Variants in EPHB1 observed in about 807,000 individuals in gnomAD.
EPHB1 encodes EPH receptor B1.
EPHB1 carries 30 observed loss-of-function variants against 94.4 expected under a neutral mutation model. The observed-to-expected ratio is 0.32, with a 90% CI of 0.24 to 0.43. The LOEUF (loss-of-function observed/expected upper bound fraction) is 0.43. Ranked by LOEUF, EPHB1 falls within the 20% of genes least tolerant of loss-of-function variation. The probability of loss-of-function intolerance (pLI) is 1.00; values close to 1 mark genes in which losing one functional copy is unlikely to be tolerated. For synonymous variants in EPHB1, 522 were observed against 489.1 expected (o/e 1.07, Z -0.89); for missense variants, 1,055 against 1,308.3 (o/e 0.81, Z 2.99).
intron 2 of EPHB1, among the ~76,000 whole-genome samples, chr3:134,935,785 A>G (rs996730871): frequency 6.6e-6 from 1 of 152,012 alleles, no homozygotes; most frequent in Non-Finnish European, 1.5e-5. Context: ...TACATGAACA[A>G]TGTCAGAGAG....
At chr3:134,872,335 G>A (rs138755398) in intron 1 of EPHB1, among the ~76,000 whole-genome samples, 1 of 152,212 alleles carries the variant, frequency 6.6e-6, no homozygotes. Flanking sequence ...ATTCCCATTC[G>A]AGGGAGAGGC....
rs56772514 is a variant in EPHB1 at position 134,890,090 on chromosome 3, C to T, written c.59-35726C>T. On this transcript the variant is annotated intron_variant, in intron 1 of 15. Transcript: ENST00000398015. ...AAATATCCCCAATATACTCTACAAA[C>T]GCAGAGGAAGCCCCCATCCACCTCT... Among the ~76,000 whole-genome samples the T allele has an allele frequency of 4.0e-3, 606 of 152,250 alleles. 6 individuals carry two copies. The highest frequency in any genetic ancestry group is 0.013 in the African/African-American group (528 of 41,542).
intron 12 of EPHB1, among the ~76,000 whole-genome samples, chr3:135,226,352 C>T (rs1943401441): frequency 6.6e-6 from 1 of 152,250 alleles, no homozygotes; most frequent in African/African-American, 2.4e-5. Context: ...ATCACAGTAC[C>T]TCTGAGCTTT....
chr3:134,799,568 G>A (rs1227592603), intron 1 of EPHB1, among the ~76,000 whole-genome samples: 1 of 152,210 alleles, frequency 6.6e-6, no homozygotes, highest in African/African-American at 2.4e-5. Context: ...TCTTGGCAAT[G>A]TAAACAACTG....
chr3:134,965,185 T>C (rs1933684659), intron 3 of EPHB1, among the ~76,000 whole-genome samples: 1 of 152,254 alleles, frequency 6.6e-6, no homozygotes, highest in Admixed American at 6.5e-5. Flanking sequence ...TCTTGATTAC[T>C]CTTGGCTTAT....
At chr3:134,921,645 A>T (rs1192318604) in intron 1 of EPHB1, among the ~76,000 whole-genome samples, 2 of 152,240 alleles carry the variant, frequency 1.3e-5, no homozygotes, top group Non-Finnish European at 2.9e-5. Flanking sequence ...TGTGTAACAT[A>T]ATTAGATTCT....
intron 1 of EPHB1, among the ~76,000 whole-genome samples, chr3:134,902,677 T>C (rs541917957): frequency 2.6e-5 from 4 of 152,378 alleles, no homozygotes; most frequent in South Asian, 4.1e-4. Flanking sequence ...GTATTTCATA[T>C]AGCCTTCTTG....
At chr3:135,203,470 T>C (rs1286052221) in intron 12 of EPHB1, among the ~76,000 whole-genome samples, 1 of 152,102 alleles carries the variant, frequency 6.6e-6, no homozygotes, top group Non-Finnish European at 1.5e-5. Flanking sequence ...ATTGGTAAAC[T>C]TTTTCTCAAA....
intron 1 of EPHB1, among the ~76,000 whole-genome samples, chr3:134,918,087 G>A (rs539663312): frequency 2.0e-4 from 31 of 152,308 alleles, no homozygotes; most frequent in South Asian, 1.0e-3. Context: ...AAGCTCTGTG[G>A]GACAGAAGTC....
chr3:134,826,390 C>A (rs1295903129), intron 1 of EPHB1, among the ~76,000 whole-genome samples: 1 of 152,052 alleles, frequency 6.6e-6, no homozygotes, highest in East Asian at 1.9e-4. Flanking sequence ...TTTCTGGTTT[C>A]TCTTTCCCAT....
Position 134,896,161 on chromosome 3 carries a change from A to G in EPHB1, c.59-29655A>G, listed in dbSNP as rs577402300. On this transcript the variant is annotated intron_variant, in intron 1 of 15. Transcript: ENST00000398015. ...ATGTTGAGGCCAGGGGCTAAGCTCTAACTAAGATGCCACCTAGATCACCGA... is the reference window on the plus strand; with the variant it reads ...ATGTTGAGGCCAGGGGCTAAGCTCTGACTAAGATGCCACCTAGATCACCGA... 4.1e-4 allele frequency among the ~76,000 whole-genome samples: 62 copies of G among 152,076 alleles called. 4 individuals are homozygous for G. The South Asian group carries it at 0.013, about 32-fold the overall frequency.
At chr3:134,926,258 C>G (rs147196159) in intron 2 of EPHB1, among the ~76,000 whole-genome samples, 76 of 152,376 alleles carry the variant, frequency 5.0e-4, no homozygotes, top group African/African-American at 1.6e-3. Flanking sequence ...TGGCTAAGCT[C>G]TCTTTCACCT....
At chr3:135,009,266 TGAG>T (rs1349474309) in intron 3 of EPHB1, among the ~76,000 whole-genome samples, 1 of 152,090 alleles carries the variant, frequency 6.6e-6, no homozygotes, top group Non-Finnish European at 1.5e-5. Flanking sequence ...CCCAGAGCCA[TGAG>T]GAGGACAGGG....
intron 9 of EPHB1, among the ~76,000 whole-genome samples, chr3:135,170,399 G>A: frequency 6.6e-6 from 1 of 151,298 alleles, no homozygotes; most frequent in East Asian, 2.0e-4. Flanking sequence ...TAGAGAATTT[G>A]GATTTGGGTG....
chr3:135,154,575 A>G (rs914072268), intron 6 of EPHB1, among the ~76,000 whole-genome samples: 1 of 152,162 alleles, frequency 6.6e-6, no homozygotes, highest in African/African-American at 2.4e-5. Flanking sequence ...TGATATACTA[A>G]TGCAGATGCC....
chr3:134,795,785 G>A, intron 1 of EPHB1, 96 bp downstream of exon 1: 1 of 1,348,214 alleles, frequency 7.4e-7, no homozygotes, highest in South Asian at 1.2e-5. Context: ...GCTGCTTTGC[G>A]GTGCAGGCAT....
chr3:135,039,799 C>G (rs963697605), intron 3 of EPHB1, among the ~76,000 whole-genome samples: 1 of 152,250 alleles, frequency 6.6e-6, no homozygotes, highest in Non-Finnish European at 1.5e-5. Flanking sequence ...CCGGTTCCCG[C>G]TCGTGCCTCT....
intron 1 of EPHB1, among the ~76,000 whole-genome samples, chr3:134,820,615 C>G (rs955503622): frequency 3.1e-4 from 47 of 152,162 alleles, no homozygotes; most frequent in Admixed American, 5.2e-4. Flanking sequence ...AGAGCTCAAG[C>G]AATTCTTTCA....
At chr3:135,188,735 A>T (rs1942391897) in intron 10 of EPHB1, among the ~76,000 whole-genome samples, 1 of 152,172 alleles carries the variant, frequency 6.6e-6, no homozygotes, top group Admixed American at 6.5e-5. Flanking sequence ...TCCACTCACT[A>T]CCAATTTTCC....
Sources: allele counts gnomAD v4.1 joint callset (sites outside exome capture counted in the v4.1 genomes callset), GRCh38; gene constraint gnomAD v4.1.1; transcripts MANE v1.5; gene names NCBI Gene and HGNC (gene_info 2026-07-23, HGNC 2026-07-21).